Variants in MEOX1 observed in about 807,000 individuals in gnomAD.
MEOX1 encodes mesenchyme homeobox 1, also known as homeobox protein MOX-1.
Under a neutral mutation model 23.2 loss-of-function variants are expected in MEOX1, and 17 were observed. The ratio of observed to expected loss-of-function variants is 0.73; its 90% confidence interval spans 0.50 to 1.10. MEOX1 has a LOEUF of 1.10. Among genes scored for constraint, MEOX1 ranks in the 50% least tolerant of loss-of-function variants. MEOX1 has a pLI of 0.00. For synonymous variants in MEOX1, 134 were observed against 135.1 expected (o/e 0.99, Z 0.06); for missense variants, 333 against 332.2 (o/e 1.00, Z -0.02).
chr17:43,640,452 T>G lies in MEOX1; in HGVS notation c.*1458A>C, dbSNP rs930207314. 6.6e-6 allele frequency: 1 copy of G among 152,340 alleles called. No individual in the cohort carries two copies. Among genetic ancestry groups the G allele is most frequent in the African/African-American group, 2.4e-5 (1 of 41,584 alleles). The allele number at this position is 152,340 out of a possible 1,614,324, so 9.4% of individuals were successfully genotyped here. Reference sequence around the variant, plus strand: ...TACAAAGTGAATTGAGCTCGCACAATTAGCTTGATGTAATCTTAAGAAAAT... The same window carrying G: ...TACAAAGTGAATTGAGCTCGCACAAGTAGCTTGATGTAATCTTAAGAAAAT... On this transcript the variant is annotated 3_prime_UTR_variant, in exon 3 of 3. Transcript: ENST00000318579.
At chr17:43,653,798 G>A (rs2523157) in intron 1 of MEOX1, among the ~76,000 whole-genome samples, 32,484 of 151,640 alleles carry the variant, frequency 0.21, 3,939 homozygotes, top group South Asian at 0.36. Context: ...GTGAGCCACC[G>A]CACCCGGCCA....
At chr17:43,658,871 C>T (rs1018363466) in intron 1 of MEOX1, among the ~76,000 whole-genome samples, 2 of 152,196 alleles carry the variant, frequency 1.3e-5, no homozygotes, top group African/African-American at 4.8e-5. Context: ...GAGTGAGAGT[C>T]AGCTCACTGG....
rs548758956 is a variant in MEOX1 at position 43,643,756 on chromosome 17, T to A, written c.470-96A>T. 1.2e-4 allele frequency: 111 copies of A among 893,734 alleles called. 3 individuals are homozygous for A. The South Asian group carries it at 2.4e-3, about 19-fold the overall frequency. 55.4% of individuals were successfully genotyped at this position (893,734 alleles called of 1,614,324 possible). On this transcript the variant is annotated intron_variant, in intron 1 of 2. Coordinates refer to ENST00000318579, the MANE Select transcript of MEOX1 (RefSeq NM_004527.4). ...AGCAACTAGGCAGTCTTTACCAGTC[T>A]CCCTTATTTTTACAGGATGCTGAGA...
At chr17:43,645,179 T>A (rs1223171144) in intron 1 of MEOX1, among the ~76,000 whole-genome samples, 26 of 142,280 alleles carry the variant, frequency 1.8e-4, no homozygotes, top group African/African-American at 6.3e-4. Flanking sequence ...ATCTTTTTTT[T>A]TTTTTTTTTT....
At chr17:43,647,958 G>A (rs182475085) in intron 1 of MEOX1, among the ~76,000 whole-genome samples, 120 of 152,328 alleles carry the variant, frequency 7.9e-4, no homozygotes, top group Admixed American at 1.4e-3. Flanking sequence ...TGGGATCAAC[G>A]TTCACCACTG....
chr17:43,659,176 C>T (rs187353609), intron 1 of MEOX1, among the ~76,000 whole-genome samples: 4 of 150,868 alleles, frequency 2.7e-5, no homozygotes, highest in Admixed American at 2.6e-4. Flanking sequence ...TATCCCTTCC[C>T]AATGCCCTTG....
rs2154588745 is a variant in MEOX1, at chr17:43,641,102, T to C, written c.*808A>G. The C allele has an allele frequency of 6.6e-6, 1 of 152,314 alleles. No individual in the cohort carries two copies. The highest frequency in any genetic ancestry group is 3.4e-3 in the Middle Eastern group (1 of 294). 9.4% of individuals were successfully genotyped at this position (152,314 alleles called of 1,614,324 possible). A position where few individuals can be genotyped will look rare whatever the true frequency, so the allele number is the denominator to read the frequency against. On this transcript the variant is annotated 3_prime_UTR_variant, in exon 3 of 3. Transcript: ENST00000318579. Reference sequence around the variant, plus strand: ...AAAAGGAGTAGCTGCTCCTTTTCTCTGGAGCACAGCCCAACAGCCCCTGCT... The same window carrying C: ...AAAAGGAGTAGCTGCTCCTTTTCTCCGGAGCACAGCCCAACAGCCCCTGCT...
rs996483307 is a variant in MEOX1 at position 43,643,654 on chromosome 17, T to G, written c.476A>C (p.Gln159Pro). The change falls in exon 2 of 3, where the codon CAG (glutamine) becomes CCG (proline). Residue 159 changes from glutamine to proline, a missense_variant. Coordinates refer to ENST00000318579, the MANE Select transcript of MEOX1 (RefSeq NM_004527.4). Reference protein sequence around the residue: ...SRRRKESSDNQENRGKPEGSS... With the variant: ...SRRRKESSDNPENRGKPEGSS... Reference sequence around the variant, plus strand: ...GCCCTCCGGCTTCCCTCTGTTCTCCTGGTTGTCTGGGGAGAGAGGACCCCA... The same window carrying G: ...GCCCTCCGGCTTCCCTCTGTTCTCCGGGTTGTCTGGGGAGAGAGGACCCCA... 1 of 1,612,712 alleles carries G rather than the reference T, an allele frequency of 6.2e-7. No individual in the cohort carries two copies. The highest frequency in any genetic ancestry group is 8.5e-7 in the Non-Finnish European group (1 of 1,179,618).
rs533959299 is a variant in MEOX1, at chr17:43,660,451, A to G, written c.469+615T>C. On this transcript the variant is annotated intron_variant, in intron 1 of 2. Transcript: ENST00000318579. ...TGTCCCCTTGGCCTGGACATGGCCC[A>G]GCTCCGCAGGGTGATATCTGGTGGG... 2.0e-5 allele frequency among the ~76,000 whole-genome samples: 3 copies of G among 152,220 alleles called. No homozygotes were observed. The South Asian group carries it at 6.2e-4, about 32-fold the overall frequency.
intron 1 of MEOX1, 108 bp from the exon 2 acceptor site, chr17:43,643,768 A>C: frequency 1.3e-6 from 1 of 773,530 alleles, no homozygotes; most frequent in Non-Finnish European, 2.0e-6. Context: ...CCTTATTTTT[A>C]CAGGATGCTG....
Position 43,661,526 on chromosome 17 carries a change from G to A in MEOX1, c.9C>T (p.Pro3=), listed in dbSNP as rs764015637. ...GGCTCCTCATGCAGCTGCTGGCCGC[G>A]GGATCCATCTGCTGTCCGCTGCACG... The part of the protein sequence containing the change: MD[P]AASSCMRSLQ... The change falls in exon 1 of 3, where the codon CCC becomes CCT. Residue 3 remains proline (P), a synonymous_variant. Transcript: ENST00000318579. The A allele has an allele frequency of 7.7e-6, 12 of 1,562,868 alleles. No homozygotes were observed. The highest frequency in any genetic ancestry group is 2.3e-5 in the South Asian group (2 of 85,180).
intron 1 of MEOX1, among the ~76,000 whole-genome samples, chr17:43,646,324 G>A (rs959954248): frequency 6.6e-6 from 1 of 152,228 alleles, no homozygotes; most frequent in African/African-American, 2.4e-5. Flanking sequence ...GCAGCGGGCC[G>A]GGGAGGGTCG....
intron 1 of MEOX1, among the ~76,000 whole-genome samples, chr17:43,653,655 G>A (rs753427424): frequency 1.2e-4 from 18 of 151,882 alleles, no homozygotes; most frequent in African/African-American, 3.6e-4. Flanking sequence ...GACTGTAGGC[G>A]CATGCCACCA....
At chr17:43,655,473 A>G (rs1022872254) in intron 1 of MEOX1, among the ~76,000 whole-genome samples, 4 of 151,718 alleles carry the variant, frequency 2.6e-5, no homozygotes, top group Admixed American at 2.6e-4. Flanking sequence ...CCGTCTCAAA[A>G]AAAAAAAAAA....
chr17:43,657,256 T>C (rs993120352), intron 1 of MEOX1, among the ~76,000 whole-genome samples: 4 of 144,750 alleles, frequency 2.8e-5, no homozygotes, highest in African/African-American at 1.0e-4. Flanking sequence ...CACTGCAATC[T>C]CCACCTCCCA....
intron 2 of MEOX1, among the ~76,000 whole-genome samples, chr17:43,643,009 T>C (rs1972725539): frequency 6.6e-6 from 1 of 152,154 alleles, no homozygotes; most frequent in African/African-American, 2.4e-5. Flanking sequence ...ACATCAGCAC[T>C]ATTAAAATCT....
intron 1 of MEOX1, among the ~76,000 whole-genome samples, chr17:43,655,989 T>G (rs1263164194): frequency 6.6e-6 from 1 of 152,218 alleles, no homozygotes. Flanking sequence ...TTATGTTATG[T>G]GTATTTGACC....
chr17:43,645,805 C>G lies in MEOX1; in HGVS notation c.470-2145G>C, dbSNP rs75038637. 8.9e-3 allele frequency among the ~76,000 whole-genome samples: 1,361 copies of G among 152,338 alleles called. 22 individuals carry two copies. The highest frequency in any genetic ancestry group is 0.03 in the African/African-American group (1,264 of 41,584). On this transcript the variant is annotated intron_variant, in intron 1 of 2. Coordinates refer to ENST00000318579, the MANE Select transcript of MEOX1 (RefSeq NM_004527.4). Reference sequence around the variant, plus strand: ...AGCCTAGCTGGTTCCCCTCCCAGCACCCCCCTCTATTGCTTTCCACTCAAT... The same window carrying G: ...AGCCTAGCTGGTTCCCCTCCCAGCAGCCCCCTCTATTGCTTTCCACTCAAT...
Position 43,641,665 on chromosome 17 carries a change from C to A in MEOX1, c.*245G>T, listed in dbSNP as rs1047808989. ...CCAGATTCATCCGGCCCGGTAGGAT[C>A]TCTGTCTGATTCCATGAGAGTGTGG... On this transcript the variant is annotated 3_prime_UTR_variant, in exon 3 of 3. Transcript: ENST00000318579. 2 of 430,906 alleles carry A rather than the reference C, an allele frequency of 4.6e-6. No homozygotes were observed. Among genetic ancestry groups the A allele is most frequent in the Middle Eastern group, 6.2e-4 (1 of 1,616 alleles). 26.7% of individuals were successfully genotyped at this position (430,906 alleles called of 1,614,324 possible).
Sources: allele counts gnomAD v4.1 joint callset (sites outside exome capture counted in the v4.1 genomes callset), GRCh38; gene constraint gnomAD v4.1.1; transcripts MANE v1.5; gene names NCBI Gene and HGNC (gene_info 2026-07-23, HGNC 2026-07-21).